The following HECA variants were observed in gnomAD, a reference collection of about 807,000 sequenced individuals.
HECA encodes headcase protein homolog.
In HECA, 13 loss-of-function variants were observed where a neutral mutation model predicts 37.6. That is an observed-to-expected ratio of 0.35 (90% CI 0.23 to 0.55). HECA has a LOEUF of 0.55. Among genes scored for constraint, HECA ranks in the 20% least tolerant of loss-of-function variants. The pLI, the probability that HECA is intolerant of heterozygous loss-of-function variation, is 0.90. For missense variants in HECA, 527 were observed against 701.9 expected, an observed-to-expected ratio of 0.75 and a Z score of 2.82; for synonymous variants, 307 against 291.5, an observed-to-expected ratio of 1.05 and a Z score of -0.54.
intron 1 of HECA, among the ~76,000 whole-genome samples, chr6:139,158,502 CAAAA>C (rs34211036): frequency 7.6e-6 from 1 of 130,774 alleles, no homozygotes; most frequent in Non-Finnish European, 1.6e-5. Context: ...GATTCCATCT[CAAAA>C]AAAAAAAAAA....
rs367751153 is a variant in HECA at position 139,167,224 on chromosome 6, G to T, written c.1212G>T (p.Ala404=). ...NVVNCALCHR[A]LPVFEQFPLV... is the part of the protein sequence containing the mutation. ...TAAACTGTGCCCTGTGCCACCGGGCGCTCCCGGTGTTCGAACAGTTCCCAC... is the reference window on the plus strand; with the variant it reads ...TAAACTGTGCCCTGTGCCACCGGGCTCTCCCGGTGTTCGAACAGTTCCCAC... Residue 404 remains alanine, a synonymous_variant, in exon 2 of 4, where the codon GCG becomes GCT. Coordinates refer to ENST00000367658, the MANE Select transcript of HECA (RefSeq NM_016217.3). 1 of 1,614,146 alleles carries T rather than the reference G, an allele frequency of 6.2e-7. No individual in the cohort carries two copies. The highest frequency in any genetic ancestry group is 2.2e-5 in the East Asian group (1 of 44,866).
rs555064433 is a variant in HECA at position 139,152,640 on chromosome 6, A to C, written c.272-13644A>C. 6.2e-4 allele frequency among the ~76,000 whole-genome samples: 95 copies of C among 152,214 alleles called. 2 individuals are homozygous for C. Among genetic ancestry groups the C allele is most frequent in the Non-Finnish European group, 2.1e-4 (14 of 68,036 alleles). On this transcript the variant is annotated intron_variant, in intron 1 of 3. Transcript: ENST00000367658. ...ATTACATCAAAGGTTAAGACAGATA[A>C]GCTTAAGTGATCTCATTGTAGCTCC... is the stretch of plus-strand genomic sequence containing the variant.
intron 1 of HECA, among the ~76,000 whole-genome samples, chr6:139,136,070 G>C (rs990125648): frequency 1.3e-5 from 2 of 151,950 alleles, no homozygotes; most frequent in Non-Finnish European, 2.9e-5. Flanking sequence ...ATTCTTCCCG[G>C]TGCTCCAAGG....
rs1775119808 is a variant in HECA, at chr6:139,180,510, A to G, written c.*3405A>G. 1 of 152,640 alleles carries G rather than the reference A, an allele frequency of 6.6e-6. No homozygotes were observed. The highest frequency in any genetic ancestry group is 2.1e-4 in the South Asian group (1 of 4,834). The allele number at this position is 152,640 out of a possible 1,614,324, so 9.5% of individuals were successfully genotyped here. A position where few individuals can be genotyped will look rare whatever the true frequency, so the allele number is the denominator to read the frequency against. ...CTTGTTTAGTGTTTTATTTCCTATA[A>G]TAGGATGCTGCCTAACCCAGTTCAT... On this transcript the variant is annotated 3_prime_UTR_variant, in exon 4 of 4. Coordinates refer to ENST00000367658, the MANE Select transcript of HECA (RefSeq NM_016217.3).
intron 2 of HECA, among the ~76,000 whole-genome samples, chr6:139,173,589 A>T (rs952905739): frequency 2.6e-5 from 4 of 152,108 alleles, no homozygotes; most frequent in African/African-American, 4.8e-5. Context: ...ATGGGGAAGC[A>T]CCCTGGGTTC....
intron 1 of HECA, among the ~76,000 whole-genome samples, chr6:139,163,628 A>G (rs1200521787): frequency 2.0e-5 from 3 of 152,194 alleles, no homozygotes; most frequent in African/African-American, 7.2e-5. Flanking sequence ...TGCTGGGATT[A>G]CAGGCGTGAG....
intron 2 of HECA, among the ~76,000 whole-genome samples, chr6:139,171,531 T>C (rs1323353483): frequency 1.3e-5 from 2 of 152,246 alleles, no homozygotes; most frequent in African/African-American, 4.8e-5. Flanking sequence ...TGCCACATCT[T>C]TGAGAAATCC....
In HECA at chr6:139,166,834, C is replaced by T. The variant is rs1233407679; in HGVS notation, c.822C>T (p.Pro274=). The T allele has an allele frequency of 5.6e-6, 9 of 1,613,838 alleles. No individual in the cohort carries two copies. The highest frequency in any genetic ancestry group is 2.2e-5 in the East Asian group (1 of 44,862). Residue 274 remains proline, a synonymous_variant, in exon 2 of 4, where the codon CCC becomes CCT. Coordinates refer to ENST00000367658, the MANE Select transcript of HECA (RefSeq NM_016217.3). ...GTGGCTCCCCGGGCCAGTCCCCACC[C>T]ACGGGCTACTCCATCCTCTCTCCTG... ...SPGGSPGQSP[P]TGYSILSPAH... is the part of the protein sequence containing the mutation.
chr6:139,179,704 G>A lies in HECA; in HGVS notation c.*2599G>A, dbSNP rs1321833664. ...ATAAATCTTATTTTGGAAATCTACT[G>A]ACCTTAATACCCCAAGCTTGCCCTG... is the stretch of plus-strand genomic sequence containing the variant. On this transcript the variant is annotated 3_prime_UTR_variant, in exon 4 of 4. Coordinates refer to ENST00000367658, the MANE Select transcript of HECA (RefSeq NM_016217.3). 1 of 152,098 alleles carries A rather than the reference G, an allele frequency of 6.6e-6. No individual in the cohort carries two copies. The highest frequency in any genetic ancestry group is 2.1e-4 in the South Asian group (1 of 4,824). 9.4% of individuals were successfully genotyped at this position (152,098 alleles called of 1,614,324 possible). A position where few individuals can be genotyped will look rare whatever the true frequency, so the allele number is the denominator to read the frequency against.
intron 2 of HECA, chr6:139,170,231 AT>A (rs1252928076): frequency 3.3e-5 from 5 of 152,210 alleles, no homozygotes; most frequent in African/African-American, 1.2e-4. Context: ...TTTTCTATCC[AT>A]GATGGACAGA....
chr6:139,147,470 C>CA (rs1774598537), intron 1 of HECA, among the ~76,000 whole-genome samples: 1 of 151,892 alleles, frequency 6.6e-6, no homozygotes, highest in Admixed American at 6.6e-5. Flanking sequence ...TGCAAAAATA[C>CA]AAAAATTAGC....
chr6:139,162,763 G>A (rs1334748302), intron 1 of HECA, among the ~76,000 whole-genome samples: 2 of 152,200 alleles, frequency 1.3e-5, no homozygotes, highest in Admixed American at 6.5e-5. Context: ...GTGGAATGTT[G>A]TGTCTGTGGT....
rs758402074 is a variant in HECA, at chr6:139,166,665, C to T, written c.653C>T (p.Ala218Val). 1.2e-6 allele frequency: 2 copies of T among 1,613,746 alleles called. No homozygotes were observed. Among genetic ancestry groups the T allele is most frequent in the African/African-American group, 2.7e-5 (2 of 74,890 alleles). Residue 218 changes from alanine (A) to valine (V), a missense_variant, in exon 2 of 4, where the codon GCG becomes GTG. By Grantham distance (64) the Ala-to-Val change is moderately conservative (BLOSUM62 0). This residue lies in a region of HECA where 228 missense variants were observed against 259.8 expected (regional missense o/e 0.88). Transcript: ENST00000367658. ...AACACAGGGAGGCCTCCTGGTGAGG[C>T]GGCGGAGGAGGCAAAAAAGTGCAGG... ...EKNTGRPPGE[A>V]AEEAKKCRPP... is the part of the protein sequence containing the mutation.
At chr6:139,144,509 G>A (rs557185018) in intron 1 of HECA, 1 of 152,862 alleles carries the variant, frequency 6.5e-6, no homozygotes, top group South Asian at 2.1e-4. Context: ...TGCTCCAGGA[G>A]TTTGATGTAG....
rs919524462 is a variant in HECA at position 139,177,906 on chromosome 6, T to C, written c.*801T>C. ...TTGGGCAGTGATGATTTATTACAGG[T>C]TGCACTGTTGAAGTGTCATTTGGTG... is the stretch of plus-strand genomic sequence containing the variant. On this transcript the variant is annotated 3_prime_UTR_variant, in exon 4 of 4. Coordinates refer to ENST00000367658, the MANE Select transcript of HECA (RefSeq NM_016217.3). The surrounding 1 kb of genome is among the most constrained non-coding windows in gnomAD (Gnocchi z 4.9). 2 of 152,218 alleles carry C rather than the reference T, an allele frequency of 1.3e-5. No homozygotes were observed. Among genetic ancestry groups the C allele is most frequent in the African/African-American group, 4.8e-5 (2 of 41,454 alleles). 9.4% of individuals were successfully genotyped at this position (152,218 alleles called of 1,614,324 possible).
At chr6:139,174,735 T>C in intron 3 of HECA, 196 bp downstream of exon 3, 1 of 677,574 alleles carries the variant, frequency 1.5e-6, no homozygotes, top group East Asian at 3.8e-5. Flanking sequence ...TATATAATTA[T>C]GTGGGAAGCA....
At chr6:139,135,748 C>T (rs893393248) in intron 1 of HECA, 81 bp downstream of exon 1, 13 of 578,830 alleles carry the variant, frequency 2.2e-5, no homozygotes, top group African/African-American at 1.2e-4. Flanking sequence ...GTGGCGCGGG[C>T]GGTGCGTGGA....
intron 2 of HECA, among the ~76,000 whole-genome samples, chr6:139,172,794 C>T (rs1774993234): frequency 6.6e-6 from 1 of 152,228 alleles, no homozygotes; most frequent in African/African-American, 2.4e-5. Flanking sequence ...CTGTAAGCCT[C>T]ACTTCCTACT....
chr6:139,152,898 A>G (rs769631473), intron 1 of HECA: 2 of 152,138 alleles, frequency 1.3e-5, no homozygotes, highest in Non-Finnish European at 2.9e-5. Context: ...GTATATAGGA[A>G]ATGATTCCTA....
Sources: gnomAD v4.1 joint callset for allele counts (sites outside exome capture counted in the v4.1 genomes callset) on GRCh38, gnomAD v4.1.1 for gene constraint, gnomAD v4.1.1 regional missense constraint, Gnocchi (gnomAD v3.1) non-coding constraint, MANE v1.5 for transcripts, NCBI Gene and HGNC (gene_info 2026-07-23, HGNC 2026-07-21) for gene names.